Variants in PKD1L3 observed in about 807,000 individuals in gnomAD.
The protein encoded by PKD1L3 is polycystin-1-like protein 3.
In PKD1L3, 239 loss-of-function variants were observed where a neutral mutation model predicts 184.1. The observed-to-expected ratio is 1.30, with a 90% confidence interval of 1.17 to 1.45. The LOEUF (loss-of-function observed/expected upper bound fraction) is 1.45, where lower values mean the gene tolerates loss of function less well. Among genes scored for constraint, PKD1L3 ranks in the 40% most tolerant of loss-of-function variants. The pLI is 0.00. For synonymous variants in PKD1L3, 996 were observed against 778.8 expected (o/e 1.28, Z -4.64); for missense variants, 2,660 against 2,067.2 (o/e 1.29, Z -5.56).
intron 2 of PKD1L3, among the ~76,000 whole-genome samples, chr16:71,997,031 C>A (rs962706385): frequency 6.6e-6 from 1 of 150,542 alleles, no homozygotes. Flanking sequence ...AGGGAGGCTC[C>A]CAGTTGTTGG....
At position 71,977,258 on chromosome 16, in the gene PKD1L3, T is replaced by C. The variant is rs1470943829; in HGVS notation, c.1737A>G (p.Pro579=). The C allele has an allele frequency of 6.5e-7, 1 of 1,531,722 alleles. No homozygotes were observed. The highest frequency in any genetic ancestry group is 1.4e-5 in the African/African-American group (1 of 72,576). 94.9% of individuals were successfully genotyped at this position (1,531,722 alleles called of 1,614,324 possible). Residue 579 remains proline, a synonymous_variant, in exon 11 of 30, where the codon CCA becomes CCG. Transcript: ENST00000620267. ...TACCTTTTTGCCACACCTTATCCTT[T>C]GGAAGGGTGATGTTCAGGTGGAAGT... ...CTHFHLNITL[P]KDKVWQKDEE...
chr16:71,929,815 T>A (rs1196800060), intron 29 of PKD1L3, 137 bp from the exon 30 acceptor site: 3 of 1,019,784 alleles, frequency 2.9e-6, no homozygotes, highest in Non-Finnish European at 4.2e-6. Flanking sequence ...CAGTCAGGCA[T>A]TGGAGTGTTT....
chr16:71,949,804 G>C lies in PKD1L3; in HGVS notation c.3597C>G (p.Ile1199Met), dbSNP rs1009296669. The change falls in exon 21 of 30, where the codon ATC becomes ATG. Residue 1199 changes from isoleucine to methionine, a missense_variant. Transcript: ENST00000620267. ...ATACCTTTACTGGCTGGCTGATGAAGATGTTCTGAAGCACTGATAAAATAA... is the reference window on the plus strand; with the variant it reads ...ATACCTTTACTGGCTGGCTGATGAACATGTTCTGAAGCACTGATAAAATAA... ...ISIILSVLQN[I>M]FISQPVKVVF... The C allele has an allele frequency of 1.9e-6, 3 of 1,550,818 alleles. No homozygotes were observed. The highest frequency in any genetic ancestry group is 2.6e-6 in the Non-Finnish European group (3 of 1,146,820).
intron 10 of PKD1L3, among the ~76,000 whole-genome samples, chr16:71,977,836 G>A (rs1311275573): frequency 6.6e-6 from 1 of 152,096 alleles, no homozygotes; most frequent in Non-Finnish European, 1.5e-5. Flanking sequence ...GTGCAGCAGT[G>A]CGATCTCAGC....
chr16:71,941,146 T>C (rs1356542496), intron 24 of PKD1L3, among the ~76,000 whole-genome samples: 1 of 151,910 alleles, frequency 6.6e-6, no homozygotes, highest in African/African-American at 2.4e-5. Context: ...CCTGCCTTTC[T>C]TTAAAAGGAC....
At chr16:71,996,482 A>C (rs982070023) in intron 2 of PKD1L3, among the ~76,000 whole-genome samples, 2 of 151,888 alleles carry the variant, frequency 1.3e-5, no homozygotes, top group South Asian at 2.1e-4. Flanking sequence ...GGATGGTCTC[A>C]ATCTCTTTAC....
intron 24 of PKD1L3, 28 bp from the exon 25 acceptor site, chr16:71,937,447 CAA>C (rs1477871404): frequency 6.5e-7 from 1 of 1,545,000 alleles, no homozygotes; most frequent in East Asian, 2.4e-5. Context: ...CACCTGGAGT[CAA>C]GAGTCTAAAA....
At chr16:71,994,434 C>T (rs560462543) in intron 2 of PKD1L3, among the ~76,000 whole-genome samples, 1 of 152,266 alleles carries the variant, frequency 6.6e-6, no homozygotes, top group East Asian at 1.9e-4. Flanking sequence ...GTACCTGTAG[C>T]GAGACAATGC....
At chr16:71,987,231 G>A (rs1314943852) in intron 4 of PKD1L3, among the ~76,000 whole-genome samples, 1 of 147,964 alleles carries the variant, frequency 6.8e-6, no homozygotes, top group African/African-American at 2.5e-5. Flanking sequence ...CTGAGGAGAG[G>A]ATTTCTTGAG....
intron 5 of PKD1L3, among the ~76,000 whole-genome samples, chr16:71,986,005 G>T (rs781289081): frequency 6.6e-5 from 10 of 152,210 alleles, no homozygotes; most frequent in Admixed American, 1.3e-4. Flanking sequence ...GCATTAAATA[G>T]AATAGCATTA....
Position 71,951,721 on chromosome 16 carries a change from G to A in PKD1L3, c.3033C>T (p.Phe1011=). 6.5e-7 allele frequency: 1 copy of A among 1,549,508 alleles called. No homozygotes were observed. Among genetic ancestry groups the A allele is most frequent in the Non-Finnish European group, 8.7e-7 (1 of 1,146,382 alleles). ...GTAGGTATGTATTTCTCCTGAGCAG[G>A]AATCTCACAGTTTCCTTTAATTCCT... ...VVEELKETVR[F]LLRRNTYLLS... Residue 1011 remains phenylalanine (F), a synonymous_variant, in exon 19 of 30, where the codon TTC becomes TTT. Coordinates refer to ENST00000620267, the MANE Select transcript of PKD1L3 (RefSeq NM_181536.2).
At chr16:71,967,390 ACG>A in intron 14 of PKD1L3, 75 bp from the exon 15 acceptor site, 1 of 1,368,030 alleles carries the variant, frequency 7.3e-7, no homozygotes, top group Non-Finnish European at 9.8e-7. Context: ...AAGGAGAAAG[ACG>A]AAGACATAGA....
At chr16:71,930,318 GATA>G (rs1241800168) in intron 28 of PKD1L3, 135 bp from the exon 29 acceptor site, 18 of 871,992 alleles carry the variant, frequency 2.1e-5, no homozygotes, top group East Asian at 2.9e-5. Context: ...AGAGTCAAAA[GATA>G]ATAAGAAGGA....
chr16:71,952,123 C>G (rs1481649420), intron 18 of PKD1L3, among the ~76,000 whole-genome samples: 1 of 150,196 alleles, frequency 6.7e-6, no homozygotes, highest in African/African-American at 2.5e-5. Context: ...TTACAGGTAA[C>G]AGGACCCTGA....
intron 22 of PKD1L3, among the ~76,000 whole-genome samples, chr16:71,946,168 G>C (rs933695305): frequency 6.6e-6 from 1 of 152,128 alleles, no homozygotes; most frequent in Non-Finnish European, 1.5e-5. Context: ...ATGTTGGCCA[G>C]GCTGGTCACA....
At chr16:71,990,009 A>G (rs1383499111) in intron 4 of PKD1L3, among the ~76,000 whole-genome samples, 1 of 149,020 alleles carries the variant, frequency 6.7e-6, no homozygotes, top group Non-Finnish European at 1.5e-5. Context: ...CGGGAGGTAG[A>G]GGTTGCAGTG....
At position 71,986,248 on chromosome 16, in the gene PKD1L3, T is replaced by G. The variant is rs1230554181; in HGVS notation, c.807A>C (p.Gln269His). 8.4e-6 allele frequency: 13 copies of G among 1,552,248 alleles called. No homozygotes were observed. The highest frequency in any genetic ancestry group is 1.4e-5 in the African/African-American group (1 of 73,044). Residue 269 changes from glutamine to histidine, a missense_variant, in exon 5 of 30, where the codon CAA (glutamine) becomes CAC (histidine). Coordinates refer to ENST00000620267, the MANE Select transcript of PKD1L3 (RefSeq NM_181536.2). ...GACCAGATGCCTTCTGCAATGACAC[T>G]TGTAGATAAGAGGTGAAGGTATTCG... ...GHPNTFTSYL[Q>H]VSLQKASGQV...
rs1373766380 is a variant in PKD1L3, at chr16:71,953,100, G to A, written c.2810-7C>T. On this transcript the variant is annotated splice_region_variant and splice_polypyrimidine_tract_variant and intron_variant, in intron 17 of 29. Coordinates refer to ENST00000620267, the MANE Select transcript of PKD1L3 (RefSeq NM_181536.2). ...GCCACAGCAAATGGACGCACTGAAA[G>A]AAAAGCATGACATCAACTTTCATCT... is the stretch of plus-strand genomic sequence containing the variant. 3 of 1,441,584 alleles carry A rather than the reference G, an allele frequency of 2.1e-6. No homozygotes were observed. The highest frequency in any genetic ancestry group is 2.9e-5 in the East Asian group (1 of 34,918). The allele number at this position is 1,441,584 out of a possible 1,614,324, so 89.3% of individuals were successfully genotyped here. A position where few individuals can be genotyped will look rare whatever the true frequency, so the allele number is the denominator to read the frequency against.
Position 71,958,113 on chromosome 16 carries a change from C to T in PKD1L3, c.2613-3812G>A, listed in dbSNP as rs189819359. Among the ~76,000 whole-genome samples the T allele has an allele frequency of 5.3e-5, 8 of 151,736 alleles. No individual in the cohort carries two copies. In the East Asian group the frequency reaches 9.8e-4, roughly 19 times the overall value. The stretch of plus-strand genomic sequence containing the variant: ...GTAAAGATGGACACACACGGCCGGG[C>T]GCGGTGGCTCACGCCTGTAATCCCA... On this transcript the variant is annotated intron_variant, in intron 16 of 29. Transcript: ENST00000620267.
Sources: gnomAD v4.1 joint callset for allele counts (sites outside exome capture counted in the v4.1 genomes callset) on GRCh38, gnomAD v4.1.1 for gene constraint, MANE v1.5 for transcripts, NCBI Gene and HGNC (gene_info 2026-07-23, HGNC 2026-07-21) for gene names.